NARS2: variants seen among roughly 807,000 people sequenced by gnomAD.
NARS2 encodes the protein asparaginyl-tRNA synthetase.
NARS2 carries 60 observed loss-of-function variants against 62.9 expected under a neutral mutation model. The observed-to-expected ratio is 0.95, with a 90% CI of 0.77 to 1.18. The LOEUF is 1.18. Ranked by LOEUF, NARS2 falls within the 50% of genes most tolerant of loss-of-function variation. NARS2 has a pLI of 0.00. For synonymous variants in NARS2, 196 were observed against 200.0 expected (o/e 0.98, Z 0.17); for missense variants, 619 against 576.4 (o/e 1.07, Z -0.76).
intron 3 of NARS2, among the ~76,000 whole-genome samples, chr11:78,567,590 C>T (rs547976213): frequency 1.6e-4 from 24 of 152,220 alleles, no homozygotes; most frequent in African/African-American, 5.3e-4. Flanking sequence ...GTCTATATTA[C>T]GCTCTTGATT....
intron 6 of NARS2, among the ~76,000 whole-genome samples, chr11:78,522,608 A>G (rs1360173778): frequency 2.0e-5 from 3 of 151,460 alleles, no homozygotes; most frequent in African/African-American, 2.4e-5. Context: ...GGTGTTTAGG[A>G]AAAAAAAAGA....
At chr11:78,463,043 T>G (rs1036352664) in intron 11 of NARS2, among the ~76,000 whole-genome samples, 1 of 152,200 alleles carries the variant, frequency 6.6e-6, no homozygotes, top group Non-Finnish European at 1.5e-5. Context: ...ATTCTTACTT[T>G]ATATTATTGC....
chr11:78,471,121 T>C (rs943900195), intron 9 of NARS2, among the ~76,000 whole-genome samples: 21 of 152,130 alleles, frequency 1.4e-4, no homozygotes, highest in African/African-American at 4.8e-4. Flanking sequence ...GTAATAACAA[T>C]AGGTAATTTC....
At chr11:78,525,922 A>T (rs1232960310) in intron 6 of NARS2, among the ~76,000 whole-genome samples, 6 of 152,162 alleles carry the variant, frequency 3.9e-5, no homozygotes, top group Non-Finnish European at 8.8e-5. Context: ...AATCATGAGA[A>T]AAATGTCAGA....
Position 78,566,213 on chromosome 11 carries a change from G to C in NARS2, c.432C>G (p.His144Gln), listed in dbSNP as rs1856737913. 2 of 1,612,218 alleles carry C rather than the reference G, an allele frequency of 1.2e-6. No homozygotes were observed. The highest frequency in any genetic ancestry group is 1.7e-6 in the Non-Finnish European group (2 of 1,178,580). The change falls in exon 4 of 14, where the codon CAC (histidine) becomes CAG (glutamine). Residue 144 changes from histidine (H) to glutamine (Q), a missense_variant. By Grantham distance (24) the His-to-Gln change is conservative (BLOSUM62 0). Coordinates refer to ENST00000281038, the MANE Select transcript of NARS2 (RefSeq NM_024678.6). ...CCAGAACGTTAGTCCTACACCTAAA[G>C]TGAGGATATTGTCGCAGATACTCCA... ...HPLEYLRQYPHFRCRTNVLGS... is the reference protein window; with the variant it reads ...HPLEYLRQYPQFRCRTNVLGS...
intron 3 of NARS2, among the ~76,000 whole-genome samples, chr11:78,566,544 A>G (rs982097850): frequency 6.6e-6 from 1 of 152,206 alleles, no homozygotes; most frequent in Non-Finnish European, 1.5e-5. Context: ...GTTATTTATC[A>G]AGTTTGTATC....
At chr11:78,530,514 C>T (rs1186563519) in intron 5 of NARS2, among the ~76,000 whole-genome samples, 1 of 152,134 alleles carries the variant, frequency 6.6e-6, no homozygotes, top group Non-Finnish European at 1.5e-5. Context: ...CACACTGTCG[C>T]CCAGGCTGAA....
chr11:78,558,801 A>AT (rs879780972), intron 5 of NARS2, among the ~76,000 whole-genome samples: 2 of 152,204 alleles, frequency 1.3e-5, no homozygotes, highest in Non-Finnish European at 2.9e-5. Flanking sequence ...GAAAAAATGT[A>AT]TTTTTTAAAG....
chr11:78,527,925 A>G (rs148256232), intron 6 of NARS2, among the ~76,000 whole-genome samples: 2 of 152,294 alleles, frequency 1.3e-5, no homozygotes, highest in East Asian at 3.9e-4. Flanking sequence ...CCTAGGACAC[A>G]TGGTGAGAAC....
At chr11:78,459,982 T>C (rs1359282413) in intron 11 of NARS2, among the ~76,000 whole-genome samples, 8 of 152,138 alleles carry the variant, frequency 5.3e-5, no homozygotes. Flanking sequence ...GGTGATTGAG[T>C]ATAAACATCA....
At chr11:78,540,969 G>A (rs998865150) in intron 5 of NARS2, among the ~76,000 whole-genome samples, 1 of 152,172 alleles carries the variant, frequency 6.6e-6, no homozygotes, top group African/African-American at 2.4e-5. Flanking sequence ...GACCAGCCTG[G>A]TCAACATGGT....
intron 9 of NARS2, among the ~76,000 whole-genome samples, chr11:78,472,382 T>TA (rs1858913145): frequency 6.6e-6 from 1 of 152,198 alleles, no homozygotes; most frequent in East Asian, 1.9e-4. Context: ...CTGAAGCTGT[T>TA]AAGAGTAAAA....
chr11:78,528,750 T>C, intron 6 of NARS2, 92 bp downstream of exon 6: 1 of 811,090 alleles, frequency 1.2e-6, no homozygotes, highest in East Asian at 2.5e-5. Flanking sequence ...TGATAAAGAC[T>C]AATTTCAACT....
intron 4 of NARS2, among the ~76,000 whole-genome samples, chr11:78,562,021 C>T (rs1219962938): frequency 6.6e-6 from 1 of 151,490 alleles, no homozygotes; most frequent in Non-Finnish European, 1.5e-5. Context: ...GGTGACACGG[C>T]GAGACTCTGT....
intron 5 of NARS2, among the ~76,000 whole-genome samples, chr11:78,547,057 A>T (rs1400121903): frequency 6.6e-6 from 1 of 152,222 alleles, no homozygotes; most frequent in Non-Finnish European, 1.5e-5. Context: ...GTGGCTGGGT[A>T]TGGTGGCTCA....
chr11:78,528,814 A>G (rs1861383724), intron 6 of NARS2, 28 bp downstream of exon 6: 1 of 1,485,286 alleles, frequency 6.7e-7, no homozygotes, highest in Admixed American at 1.7e-5. Context: ...TAATATATCA[A>G]AGCAAAAGAG....
At chr11:78,555,760 C>T (rs80115874) in intron 5 of NARS2, among the ~76,000 whole-genome samples, 2 of 151,892 alleles carry the variant, frequency 1.3e-5, no homozygotes, top group African/African-American at 2.4e-5. Flanking sequence ...TAATTATTTC[C>T]GTTGTGAAGT....
intron 6 of NARS2, among the ~76,000 whole-genome samples, chr11:78,517,569 C>T (rs1860960871): frequency 6.6e-6 from 1 of 152,190 alleles, no homozygotes; most frequent in Non-Finnish European, 1.5e-5. Context: ...TAACCCTCTA[C>T]CTCCATTTCC....
chr11:78,491,033 T>C (rs969765856), intron 7 of NARS2, among the ~76,000 whole-genome samples: 1 of 152,198 alleles, frequency 6.6e-6, no homozygotes, highest in Non-Finnish European at 1.5e-5. Flanking sequence ...AATATAATTG[T>C]AGAACAAAGA....
Sources: allele counts gnomAD v4.1 joint callset (sites outside exome capture counted in the v4.1 genomes callset), GRCh38; gene constraint gnomAD v4.1.1; transcripts MANE v1.5; gene names NCBI Gene and HGNC (gene_info 2026-07-23, HGNC 2026-07-21).